Variants in XKR4 observed in about 807,000 individuals in gnomAD.
XKR4 encodes XK-related protein 4.
In XKR4, 12 loss-of-function variants were observed where a neutral mutation model predicts 53.9. The observed-to-expected ratio is 0.22, with a 90% CI of 0.14 to 0.36. The LOEUF is 0.36. XKR4 is among the 10% of genes least tolerant of loss of function. The pLI, the probability that XKR4 is intolerant of heterozygous loss-of-function variation, is 1.00. For missense variants in XKR4, 799 were observed against 859.5 expected, an observed-to-expected ratio of 0.93 and a Z score of 0.88; for synonymous variants, 354 against 362.4, an observed-to-expected ratio of 0.98 and a Z score of 0.26.
intron 2 of XKR4, chr8:55,451,856 A>G (rs1467336306): frequency 9.0e-6 from 8 of 888,230 alleles, no homozygotes. Flanking sequence ...GAGGGCTTCA[A>G]GGCTGAGGAC....
chr8:55,157,082 C>CA (rs1816918829), intron 1 of XKR4, among the ~76,000 whole-genome samples: 1 of 152,204 alleles, frequency 6.6e-6, no homozygotes. Flanking sequence ...TAACAACTTT[C>CA]CATGACCCAG....
Position 55,524,509 on chromosome 8 carries a change from G to A in XKR4, c.*282G>A, listed in dbSNP as rs1050396306. On this transcript the variant is annotated 3_prime_UTR_variant, in exon 3 of 3. Coordinates refer to ENST00000327381, the MANE Select transcript of XKR4 (RefSeq NM_052898.2). ...TGCACGGTCTTGGGTGCACCCACCA[G>A]AGGGTACTACTATTATGGAAAAATT... is the stretch of plus-strand genomic sequence containing the variant. The A allele has an allele frequency of 1.6e-5, 7 of 442,708 alleles. No individual in the cohort carries two copies. In the South Asian group the frequency reaches 1.8e-4, roughly 11 times the overall value. The allele number at this position is 442,708 out of a possible 1,614,324, so 27.4% of individuals were successfully genotyped here. A position where few individuals can be genotyped will look rare whatever the true frequency, so the allele number is the denominator to read the frequency against.
intron 1 of XKR4, among the ~76,000 whole-genome samples, chr8:55,145,736 T>G (rs933778647): frequency 2.0e-5 from 3 of 152,260 alleles, no homozygotes; most frequent in Non-Finnish European, 4.4e-5. Context: ...ATTACATGTA[T>G]GCTCATGAAA....
chr8:55,148,269 G>T (rs1485333517), intron 1 of XKR4, among the ~76,000 whole-genome samples: 2 of 152,128 alleles, frequency 1.3e-5, no homozygotes, highest in Non-Finnish European at 2.9e-5. Flanking sequence ...GCTGAGCGTG[G>T]TGGTGCACAC....
intron 2 of XKR4, among the ~76,000 whole-genome samples, chr8:55,377,639 G>T (rs1804170425): frequency 6.6e-6 from 1 of 152,058 alleles, no homozygotes; most frequent in Non-Finnish European, 1.5e-5. Flanking sequence ...AAGGAGGAAG[G>T]AAAAAACCTG....
At chr8:55,131,784 C>T (rs562525401) in intron 1 of XKR4, among the ~76,000 whole-genome samples, 29 of 152,024 alleles carry the variant, frequency 1.9e-4, no homozygotes, top group Non-Finnish European at 3.8e-4. Flanking sequence ...ATTGCTCTAC[C>T]GTCCAGGCTG....
chr8:55,390,199 T>C (rs1804425860), intron 2 of XKR4, among the ~76,000 whole-genome samples: 1 of 152,224 alleles, frequency 6.6e-6, no homozygotes, highest in Non-Finnish European at 1.5e-5. Context: ...TTTCTTTCTC[T>C]AGTTAACTTC....
At chr8:55,523,244 G>A in intron 2 of XKR4, 37 bp from the exon 3 acceptor site, 1 of 1,529,224 alleles carries the variant, frequency 6.5e-7, no homozygotes, top group South Asian at 1.3e-5. Context: ...TGCTGCAACT[G>A]ATTTCTGACA....
chr8:55,412,154 T>G (rs1804787198), intron 2 of XKR4, among the ~76,000 whole-genome samples: 1 of 152,070 alleles, frequency 6.6e-6, no homozygotes, highest in Non-Finnish European at 1.5e-5. Flanking sequence ...GACTGGTCAC[T>G]GAGGGGAAGA....
intron 1 of XKR4, among the ~76,000 whole-genome samples, chr8:55,255,861 G>A (rs532771291): frequency 6.6e-6 from 1 of 152,154 alleles, no homozygotes; most frequent in African/African-American, 2.4e-5. Flanking sequence ...AGGCAGAGTT[G>A]TAGGTGCTGA....
At chr8:55,466,144 C>T (rs1354000426) in intron 2 of XKR4, among the ~76,000 whole-genome samples, 1 of 152,102 alleles carries the variant, frequency 6.6e-6, no homozygotes, top group African/African-American at 2.4e-5. Context: ...TGGGTATATA[C>T]CCAAAGGATT....
chr8:55,400,036 C>G (rs1371199917), intron 2 of XKR4, among the ~76,000 whole-genome samples: 7 of 152,234 alleles, frequency 4.6e-5, no homozygotes, highest in African/African-American at 1.7e-4. Context: ...AAGGGCATCT[C>G]TGATGCATCC....
rs572420502 is a variant in XKR4, at chr8:55,540,262, C to T, written c.*16035C>T. 6.6e-6 allele frequency: 1 copy of T among 152,286 alleles called. No individual in the cohort carries two copies. Among genetic ancestry groups the T allele is most frequent in the African/African-American group, 2.4e-5 (1 of 41,568 alleles). The allele number at this position is 152,286 out of a possible 1,614,324, so 9.4% of individuals were successfully genotyped here. On this transcript the variant is annotated 3_prime_UTR_variant, in exon 3 of 3. Coordinates refer to ENST00000327381, the MANE Select transcript of XKR4 (RefSeq NM_052898.2). ...GTGGTCAATTTTCATGGATATTTCC[C>T]ATTAACATTGTATTCCATGAACAAG...
chr8:55,414,808 G>A (rs1218611953), intron 2 of XKR4, among the ~76,000 whole-genome samples: 4 of 152,136 alleles, frequency 2.6e-5, no homozygotes, highest in Non-Finnish European at 4.4e-5. Context: ...AAGGATGCTG[G>A]AAAGAGGACA....
intron 1 of XKR4, among the ~76,000 whole-genome samples, chr8:55,232,018 T>C (rs1818049017): frequency 6.6e-6 from 1 of 152,174 alleles, no homozygotes; most frequent in Non-Finnish European, 1.5e-5. Context: ...ATTGACATCA[T>C]ATGAAACTGA....
chr8:55,303,238 G>T (rs1209431362), intron 1 of XKR4, among the ~76,000 whole-genome samples: 1 of 152,142 alleles, frequency 6.6e-6, no homozygotes, highest in Non-Finnish European at 1.5e-5. Flanking sequence ...GGACTTTTCT[G>T]CATCTATTGA....
intron 2 of XKR4, among the ~76,000 whole-genome samples, chr8:55,364,337 C>T (rs1286676464): frequency 1.3e-5 from 2 of 152,236 alleles, no homozygotes; most frequent in Admixed American, 6.5e-5. Flanking sequence ...CCCCCGGGCC[C>T]ACCGCCTCAG....
At chr8:55,314,810 C>T (rs576828385) in intron 1 of XKR4, among the ~76,000 whole-genome samples, 21 of 152,226 alleles carry the variant, frequency 1.4e-4, no homozygotes, top group Non-Finnish European at 1.6e-4. Flanking sequence ...TTTTCCCATC[C>T]GCAAAATGGT....
chr8:55,446,707 A>G (rs1488953708), intron 2 of XKR4, among the ~76,000 whole-genome samples: 2 of 152,192 alleles, frequency 1.3e-5, no homozygotes, highest in East Asian at 3.8e-4. Context: ...CTTGCCCAAT[A>G]AAGTTTAGGG....
Sources: allele counts gnomAD v4.1 joint callset (sites outside exome capture counted in the v4.1 genomes callset), GRCh38; gene constraint gnomAD v4.1.1; transcripts MANE v1.5; gene names NCBI Gene and HGNC (gene_info 2026-07-23, HGNC 2026-07-21).